The following GRM1 variants were observed in gnomAD, a reference collection of about 807,000 sequenced individuals.
GRM1 encodes metabotropic glutamate receptor 1.
Under a neutral mutation model 90.9 loss-of-function variants are expected in GRM1, and 33 were observed. The ratio of observed to expected loss-of-function variants is 0.36; its 90% CI spans 0.28 to 0.49. The LOEUF is 0.49. GRM1 is among the 20% of genes least tolerant of loss of function. GRM1 has a pLI of 0.99. For synonymous variants in GRM1, 700 were observed against 613.2 expected (o/e 1.14, Z -2.09); for missense variants, 1,190 against 1,534.3 (o/e 0.78, Z 3.75).
intron 5 of GRM1, among the ~76,000 whole-genome samples, chr6:146,379,808 GTGGTTGT>G (rs1776251419): frequency 6.6e-6 from 1 of 152,152 alleles, no homozygotes; most frequent in Admixed American, 6.6e-5. Context: ...TAGTAACACT[GTGGTTGT>G]TGCAGACTCA....
intron 6 of GRM1, among the ~76,000 whole-genome samples, chr6:146,391,259 T>C (rs1776710054): frequency 6.6e-6 from 1 of 152,086 alleles, no homozygotes; most frequent in African/African-American, 2.4e-5. Context: ...AAATTAGAAG[T>C]AGCTACCAGT....
chr6:146,299,302 A>T (rs1426871824), intron 2 of GRM1, among the ~76,000 whole-genome samples: 1 of 152,154 alleles, frequency 6.6e-6, no homozygotes, highest in Non-Finnish European at 1.5e-5. Context: ...TTCCATCCAC[A>T]TATGGATTTA....
At position 146,130,229 on chromosome 6, in the gene GRM1, T is replaced by TTCCC. The variant is rs59893302; in HGVS notation, c.701-29097_701-29094dup. Among the ~76,000 whole-genome samples the TTCCC allele has an allele frequency of 9.9e-3, 1,482 of 150,216 alleles. 23 individuals carry two copies. Among genetic ancestry groups the TTCCC allele is most frequent in the African/African-American group, 0.031 (1,249 of 40,440 alleles). ...ACTCTAGATTTAGTTTTCTCTTTCTTTCCCTCCCTCCCTCCCTCCCTCCCT... is the reference window on the plus strand; with the variant it reads ...ACTCTAGATTTAGTTTTCTCTTTCTTTCCCTCCCTCCCTCCCTCCCTCCCTCCCT... On this transcript the variant is annotated intron_variant, in intron 1 of 7. Coordinates refer to ENST00000282753, the MANE Select transcript of GRM1 (RefSeq NM_001278064.2).
rs374203124 is a variant in GRM1 at position 146,259,756 on chromosome 6, G to A, written c.951-44855G>A. ...TTGGCTATTGTGAATAATGCTTCAAGGAACATGGCATACACTATCTCTTTG... is the reference window on the plus strand; with the variant it reads ...TTGGCTATTGTGAATAATGCTTCAAAGAACATGGCATACACTATCTCTTTG... On this transcript the variant is annotated intron_variant, in intron 2 of 7. Coordinates refer to ENST00000282753, the MANE Select transcript of GRM1 (RefSeq NM_001278064.2). Among the ~76,000 whole-genome samples, 9 of 152,022 alleles carry A rather than the reference G, an allele frequency of 5.9e-5. No homozygotes were observed. In the East Asian group the frequency reaches 1.5e-3, roughly 26 times the overall value.
intron 2 of GRM1, among the ~76,000 whole-genome samples, chr6:146,260,016 A>AT (rs1304050304): frequency 7.4e-5 from 11 of 148,828 alleles, no homozygotes; most frequent in Admixed American, 1.3e-4. Context: ...TATTTTTATT[A>AT]TTTTTTATTA....
At chr6:146,345,039 G>C in intron 3 of GRM1, among the ~76,000 whole-genome samples, 1 of 152,078 alleles carries the variant, frequency 6.6e-6, no homozygotes, top group East Asian at 1.9e-4. Flanking sequence ...TCAAACTCTT[G>C]ATCTCAGGTG....
chr6:146,270,547 G>T (rs1474529621), intron 2 of GRM1, among the ~76,000 whole-genome samples: 1 of 152,116 alleles, frequency 6.6e-6, no homozygotes. Context: ...GTTGTGCTCT[G>T]GCCCCAAGGC....
chr6:146,420,297 C>T (rs1274054989), intron 7 of GRM1, among the ~76,000 whole-genome samples: 2 of 152,162 alleles, frequency 1.3e-5, no homozygotes, highest in African/African-American at 2.4e-5. Flanking sequence ...AATTTTGAAG[C>T]TATCTGCAGC....
At chr6:146,114,285 T>G (rs1775663923) in intron 1 of GRM1, among the ~76,000 whole-genome samples, 1 of 152,222 alleles carries the variant, frequency 6.6e-6, no homozygotes, top group South Asian at 2.1e-4. Flanking sequence ...TACTCAAAGT[T>G]ACAAAGAGTT....
chr6:146,037,539 T>C (rs1790935647), intron 1 of GRM1, among the ~76,000 whole-genome samples: 1 of 152,008 alleles, frequency 6.6e-6, no homozygotes, highest in Non-Finnish European at 1.5e-5. Flanking sequence ...AGGTCCATAC[T>C]ATTTAGCTCA....
At chr6:146,395,374 T>TTTCAATG (rs11283440) in intron 6 of GRM1, among the ~76,000 whole-genome samples, 6,261 of 152,194 alleles carry the variant, frequency 0.041, 414 homozygotes, top group African/African-American at 0.14. Flanking sequence ...GAAAGTTTCC[T>TTTCAATG]AAAGTTTTTT....
chr6:146,222,478 T>G (rs573481960), intron 2 of GRM1, among the ~76,000 whole-genome samples: 13 of 152,124 alleles, frequency 8.5e-5, no homozygotes, highest in Admixed American at 5.2e-4. Context: ...GAGCCAGTGT[T>G]ATAAATTCCA....
chr6:146,229,135 AT>A (rs1427891566), intron 2 of GRM1, among the ~76,000 whole-genome samples: 1 of 151,866 alleles, frequency 6.6e-6, no homozygotes, highest in Admixed American at 6.6e-5. Flanking sequence ...TTTTTGGAAA[AT>A]TGTGTTCCTA....
chr6:146,240,286 A>G (rs1421623850), intron 2 of GRM1, among the ~76,000 whole-genome samples: 4 of 152,068 alleles, frequency 2.6e-5, no homozygotes, highest in African/African-American at 9.7e-5. Context: ...TCCCTGCAGA[A>G]TACTCATGAG....
chr6:146,091,118 C>T (rs1422063409), intron 1 of GRM1, among the ~76,000 whole-genome samples: 1 of 152,054 alleles, frequency 6.6e-6, no homozygotes, highest in African/African-American at 2.4e-5. Flanking sequence ...CAGAACTGCC[C>T]TGGTCAGGAA....
chr6:146,209,042 C>G (rs1779588499), intron 2 of GRM1, among the ~76,000 whole-genome samples: 3 of 152,036 alleles, frequency 2.0e-5, no homozygotes, highest in Non-Finnish European at 4.4e-5. Flanking sequence ...ATTTATTACT[C>G]TATTCCTGAC....
intron 7 of GRM1, among the ~76,000 whole-genome samples, chr6:146,413,145 G>A (rs1477869582): frequency 6.6e-6 from 1 of 152,048 alleles, no homozygotes; most frequent in African/African-American, 2.4e-5. Flanking sequence ...AGCCAATTTT[G>A]CTGGATATAA....
chr6:146,301,803 C>T (rs761954221), intron 2 of GRM1, among the ~76,000 whole-genome samples: 35 of 151,766 alleles, frequency 2.3e-4, no homozygotes, highest in Middle Eastern at 3.2e-3. Flanking sequence ...GTAAATAAAC[C>T]GGTTTGAGCC....
chr6:146,042,018 T>C (rs1006841369), intron 1 of GRM1, among the ~76,000 whole-genome samples: 5 of 151,962 alleles, frequency 3.3e-5, no homozygotes, highest in African/African-American at 7.2e-5. Flanking sequence ...TGTGTCTTCA[T>C]GGTGGAAGGA....
Sources: gnomAD v4.1 joint callset for allele counts (sites outside exome capture counted in the v4.1 genomes callset) on GRCh38, gnomAD v4.1.1 for gene constraint, MANE v1.5 for transcripts, NCBI Gene and HGNC (gene_info 2026-07-23, HGNC 2026-07-21) for gene names.